The following ITSN1 variants were observed in gnomAD, a reference collection of about 807,000 sequenced individuals.
ITSN1 encodes intersectin 1, also known as intersectin-1.
Under a neutral mutation model 239.8 loss-of-function variants are expected in ITSN1, and 58 were observed. The observed-to-expected ratio is 0.24, with a 90% confidence interval of 0.20 to 0.30. The LOEUF (loss-of-function observed/expected upper bound fraction) is 0.30. Ranked by LOEUF, ITSN1 falls within the 10% of genes least tolerant of loss-of-function variation. ITSN1 has a pLI of 1.00. For missense variants in ITSN1, 1,558 were observed against 2,103.3 expected (o/e 0.74, Z 5.07); for synonymous variants, 780 against 770.8 (o/e 1.01, Z -0.20).
intron 29 of ITSN1, among the ~76,000 whole-genome samples, chr21:33,846,058 A>T (rs1450673738): frequency 6.6e-6 from 1 of 152,116 alleles, no homozygotes; most frequent in Admixed American, 6.5e-5. Context: ...GTGTGCCCAC[A>T]TGTCCAATAG....
rs1448647356 is a variant in ITSN1, at chr21:33,722,569, T to G, written c.122-19T>G. ...GTTTTTTTTTTTTTTTCCTGAAACT[T>G]TTTCTGTTTAATTTACAGGTGATCA... On this transcript the variant is annotated intron_variant, in intron 3 of 39. Transcript: ENST00000381318. 1 of 1,551,568 alleles carries G rather than the reference T, an allele frequency of 6.4e-7. No homozygotes were observed. The highest frequency in any genetic ancestry group is 2.3e-5 in the East Asian group (1 of 43,424).
At chr21:33,701,210 C>T (rs139547542) in intron 1 of ITSN1, among the ~76,000 whole-genome samples, 55 of 152,196 alleles carry the variant, frequency 3.6e-4, no homozygotes, top group African/African-American at 1.2e-3. Context: ...GCAATCCTTC[C>T]GCCCTAGACT....
chr21:33,665,180 T>C (rs537223085), intron 1 of ITSN1, among the ~76,000 whole-genome samples: 2 of 152,198 alleles, frequency 1.3e-5, no homozygotes, highest in Non-Finnish European at 1.5e-5. Context: ...GGAGAATCGC[T>C]TGAACCTGGG....
chr21:33,847,021 T>C (rs566049842), intron 29 of ITSN1, among the ~76,000 whole-genome samples: 1 of 152,358 alleles, frequency 6.6e-6, no homozygotes, highest in South Asian at 2.1e-4. Flanking sequence ...CCTGCGGATC[T>C]ATGCAGCCGC....
chr21:33,838,407 A>G (rs1303587480), intron 29 of ITSN1: 1 of 983,238 alleles, frequency 1.0e-6, no homozygotes, highest in Non-Finnish European at 1.2e-6. Flanking sequence ...TGTAAAATAT[A>G]TAAATATATA....
chr21:33,895,960 C>G lies in ITSN1; in HGVS notation c.*7660C>G, dbSNP rs1484304777. Reference sequence around the variant, plus strand: ...CTCAGGTCCCTTCTGAGTGCATAGCCCCTTGTGGCTGCCAGGCAGCACACC... The same window carrying G: ...CTCAGGTCCCTTCTGAGTGCATAGCGCCTTGTGGCTGCCAGGCAGCACACC... On this transcript the variant is annotated 3_prime_UTR_variant, in exon 40 of 40. Transcript: ENST00000381318. 6.6e-6 allele frequency: 1 copy of G among 152,302 alleles called. No individual in the cohort carries two copies. The highest frequency in any genetic ancestry group is 2.4e-5 in the African/African-American group (1 of 41,412). 9.4% of individuals were successfully genotyped at this position (152,302 alleles called of 1,614,324 possible). A position where few individuals can be genotyped will look rare whatever the true frequency, so the allele number is the denominator to read the frequency against.
intron 1 of ITSN1, among the ~76,000 whole-genome samples, chr21:33,669,852 T>C (rs1263633882): frequency 1.3e-5 from 2 of 152,188 alleles, no homozygotes; most frequent in Non-Finnish European, 2.9e-5. Flanking sequence ...GCTTCATCAT[T>C]TGTTCGTATG....
intron 31 of ITSN1, among the ~76,000 whole-genome samples, chr21:33,862,167 A>C (rs1980733895): frequency 1.3e-5 from 1 of 79,158 alleles, no homozygotes. Context: ...TGTGTCACAA[A>C]AAAAAAAAAA....
intron 37 of ITSN1, 90 bp from the exon 38 acceptor site, chr21:33,885,349 A>G: frequency 8.1e-7 from 1 of 1,228,828 alleles, no homozygotes; most frequent in Non-Finnish European, 1.2e-6. Context: ...GAGTCGGGAG[A>G]GGTACATGAA....
intron 1 of ITSN1, among the ~76,000 whole-genome samples, chr21:33,701,618 C>A (rs1286128450): frequency 1.3e-5 from 2 of 151,124 alleles, no homozygotes; most frequent in Non-Finnish European, 2.9e-5. Context: ...CATGGTGAAA[C>A]CCTGTGTCTG....
At chr21:33,677,443 G>C (rs2090662112) in intron 1 of ITSN1, among the ~76,000 whole-genome samples, 1 of 151,904 alleles carries the variant, frequency 6.6e-6, no homozygotes, top group South Asian at 2.1e-4. Flanking sequence ...TGGTTCAAGG[G>C]ATTTTCTTGC....
At chr21:33,687,825 C>G (rs1601638595) in intron 1 of ITSN1, among the ~76,000 whole-genome samples, 1 of 152,158 alleles carries the variant, frequency 6.6e-6, no homozygotes, top group Admixed American at 6.5e-5. Flanking sequence ...TACTTTGAGA[C>G]TGAGTAAATA....
intron 1 of ITSN1, among the ~76,000 whole-genome samples, chr21:33,655,478 C>T (rs766046636): frequency 3.3e-5 from 5 of 151,638 alleles, no homozygotes; most frequent in East Asian, 1.9e-4. Flanking sequence ...GAGTGTGCAG[C>T]GGTGCAATCT....
At chr21:33,681,154 G>C (rs1311993125) in intron 1 of ITSN1, among the ~76,000 whole-genome samples, 3 of 152,166 alleles carry the variant, frequency 2.0e-5, no homozygotes, top group Non-Finnish European at 4.4e-5. Flanking sequence ...GTAGGAAAGG[G>C]TCTGTTAAGG....
intron 27 of ITSN1, 81 bp downstream of exon 27, chr21:33,829,826 A>G: frequency 6.5e-7 from 1 of 1,545,542 alleles, no homozygotes; most frequent in Non-Finnish European, 8.9e-7. Flanking sequence ...ATTTTATTGT[A>G]AAGTACAAAC....
intron 36 of ITSN1, among the ~76,000 whole-genome samples, chr21:33,884,315 G>A (rs935066718): frequency 1.3e-5 from 2 of 152,130 alleles, no homozygotes; most frequent in Non-Finnish European, 2.9e-5. Context: ...GAAACCAATA[G>A]GAAAGTAATT....
chr21:33,851,066 G>A (rs1158428151), intron 29 of ITSN1, among the ~76,000 whole-genome samples: 1 of 152,200 alleles, frequency 6.6e-6, no homozygotes, highest in African/African-American at 2.4e-5. Context: ...CATCGCCCGG[G>A]CTTGCTTATT....
At chr21:33,784,680 T>A (rs991929143) in intron 16 of ITSN1, among the ~76,000 whole-genome samples, 1 of 152,216 alleles carries the variant, frequency 6.6e-6, no homozygotes, top group Non-Finnish European at 1.5e-5. Flanking sequence ...ATCAAAAGAT[T>A]TATAGAATTT....
chr21:33,878,429 T>C (rs1984367892), intron 34 of ITSN1, among the ~76,000 whole-genome samples: 1 of 152,212 alleles, frequency 6.6e-6, no homozygotes, highest in African/African-American at 2.4e-5. Context: ...TCTGTTTCTG[T>C]ATACACATGT....
Sources: gnomAD v4.1 joint callset for allele counts (sites outside exome capture counted in the v4.1 genomes callset) on GRCh38, gnomAD v4.1.1 for gene constraint, MANE v1.5 for transcripts, NCBI Gene and HGNC (gene_info 2026-07-23, HGNC 2026-07-21) for gene names.